AGTPBP1: variants seen among roughly 807,000 people sequenced by gnomAD.
AGTPBP1 encodes the protein cytosolic carboxypeptidase 1.
Under a neutral mutation model 143.9 loss-of-function variants are expected in AGTPBP1, and 70 were observed. That is an observed-to-expected ratio of 0.49 (90% CI 0.40 to 0.59). AGTPBP1 has a LOEUF of 0.59. Ranked by LOEUF, AGTPBP1 falls within the 20% of genes least tolerant of loss-of-function variation. The probability of loss-of-function intolerance (pLI) is 0.00; values close to 1 mark genes in which losing one functional copy is unlikely to be tolerated. For missense variants in AGTPBP1, 1,229 were observed against 1,464.5 expected, an observed-to-expected ratio of 0.84 and a Z score of 2.62; for synonymous variants, 463 against 500.2, an observed-to-expected ratio of 0.93 and a Z score of 0.99.
intron 1 of AGTPBP1, among the ~76,000 whole-genome samples, chr9:85,740,575 A>AAACATTTTTCCTTCAGGTGTTT (rs1824187836): frequency 6.6e-6 from 1 of 152,236 alleles, no homozygotes; most frequent in African/African-American, 2.4e-5. Flanking sequence ...ACTGAACTAA[A>AAACATTTTTCCTTCAGGTGTTT]AACATTCCAC....
the AGTPBP1 span, among the ~76,000 whole-genome samples, chr9:85,762,028 C>T: frequency 6.6e-6 from 1 of 152,218 alleles, no homozygotes. Flanking sequence ...AAATGCTCAT[C>T]ATCACTGGTC....
At chr9:85,649,565 T>C (rs924499347) in intron 11 of AGTPBP1, among the ~76,000 whole-genome samples, 2 of 152,196 alleles carry the variant, frequency 1.3e-5, no homozygotes, top group Non-Finnish European at 2.9e-5. Flanking sequence ...AAGACCTTTC[T>C]TTTCCCTATC....
At chr9:85,665,235 GAA>G (rs1433420547) in intron 8 of AGTPBP1, among the ~76,000 whole-genome samples, 1 of 152,148 alleles carries the variant, frequency 6.6e-6, no homozygotes, top group Non-Finnish European at 1.5e-5. Context: ...TAAGGAGAGA[GAA>G]GACAATGTGA....
chr9:85,754,471 C>T, the AGTPBP1 span, among the ~76,000 whole-genome samples: 14 of 152,080 alleles, frequency 9.2e-5, no homozygotes, highest in South Asian at 6.2e-4. Context: ...TGTGAGCCAC[C>T]GCGCCCAGCC....
At chr9:85,588,631 C>T (rs1272781872) in intron 20 of AGTPBP1, among the ~76,000 whole-genome samples, 153 bp from the exon 21 acceptor site, 1 of 151,992 alleles carries the variant, frequency 6.6e-6, no homozygotes, top group Non-Finnish European at 1.5e-5. Context: ...CTGCACTAGG[C>T]CCTATAAAAT....
the AGTPBP1 span, among the ~76,000 whole-genome samples, chr9:85,760,967 A>C: frequency 6.6e-6 from 1 of 152,156 alleles, no homozygotes; most frequent in Non-Finnish European, 1.5e-5. Context: ...ATTCTTATAC[A>C]CCAATAACAG....
rs142591566 is a variant in AGTPBP1 at position 85,646,200 on chromosome 9, G to A, written c.1185+121C>T. 214 of 660,516 alleles carry A rather than the reference G, an allele frequency of 3.2e-4. 1 individual carries two copies. Among genetic ancestry groups the A allele is most frequent in the African/African-American group, 2.2e-3 (120 of 55,172 alleles). The allele number at this position is 660,516 out of a possible 1,614,324, so 40.9% of individuals were successfully genotyped here. ...CCCCTTTAATTGCATAGTCATTCAT[G>A]GTAAAAAGATGTGGACAAAGTAAAA... On this transcript the variant is annotated intron_variant, in intron 12 of 25. Transcript: ENST00000357081.
chr9:85,587,575 C>G (rs947581315), intron 21 of AGTPBP1, among the ~76,000 whole-genome samples: 1 of 151,948 alleles, frequency 6.6e-6, no homozygotes, highest in African/African-American at 2.4e-5. Flanking sequence ...GTTCCATAAC[C>G]ATAACATATT....
intron 18 of AGTPBP1, among the ~76,000 whole-genome samples, chr9:85,593,907 G>A (rs1228645601): frequency 1.3e-5 from 2 of 151,952 alleles, no homozygotes; most frequent in Non-Finnish European, 2.9e-5. Context: ...GAATCACCTT[G>A]TATTATTTAA....
chr9:85,597,953 G>T (rs1437991920), intron 17 of AGTPBP1, among the ~76,000 whole-genome samples: 1 of 152,100 alleles, frequency 6.6e-6, no homozygotes, highest in African/African-American at 2.4e-5. Context: ...GTATTGGTAA[G>T]ATTATACTAG....
chr9:85,668,098 AAAAGAAAAACAG>A (rs1311865821), intron 8 of AGTPBP1, among the ~76,000 whole-genome samples: 3 of 152,124 alleles, frequency 2.0e-5, no homozygotes, highest in Non-Finnish European at 4.4e-5. Flanking sequence ...ACGCTAGGAA[AAAAGAAAAACAG>A]AAAGAAAAAT....
chr9:85,713,510 G>A (rs528584874), intron 1 of AGTPBP1, among the ~76,000 whole-genome samples: 2 of 152,090 alleles, frequency 1.3e-5, no homozygotes, highest in Non-Finnish European at 2.9e-5. Context: ...CAGCCTAGGC[G>A]ACAAGAGCGA....
intron 23 of AGTPBP1, among the ~76,000 whole-genome samples, chr9:85,579,581 T>C (rs1039276001): frequency 2.8e-5 from 4 of 143,876 alleles, no homozygotes; most frequent in Admixed American, 6.9e-5. Flanking sequence ...CCCTGAGAAA[T>C]TGTGTGTGTG....
intron 13 of AGTPBP1, among the ~76,000 whole-genome samples, chr9:85,639,367 G>GCGCACACACACACA (rs1554713133): frequency 1.4e-5 from 2 of 147,232 alleles, no homozygotes; most frequent in Admixed American, 6.8e-5. Context: ...GCGCGCACGC[G>GCGCACACACACACA]CACACACACA....
intron 13 of AGTPBP1, among the ~76,000 whole-genome samples, chr9:85,638,639 A>G (rs796981937): frequency 1.1e-4 from 17 of 152,094 alleles, no homozygotes; most frequent in African/African-American, 3.1e-4. Context: ...AAAAGTTAAT[A>G]TAAGTATATT....
At chr9:85,647,073 T>C (rs1032590819) in intron 11 of AGTPBP1, among the ~76,000 whole-genome samples, 13 of 151,926 alleles carry the variant, frequency 8.6e-5, no homozygotes, top group Non-Finnish European at 1.5e-5. Context: ...AGGTTGGGAG[T>C]TCGAGACTGG....
intron 15 of AGTPBP1, among the ~76,000 whole-genome samples, chr9:85,619,658 A>G (rs1205978650): frequency 1.3e-5 from 2 of 152,242 alleles, no homozygotes; most frequent in African/African-American, 2.4e-5. Flanking sequence ...AGTTCTCTGA[A>G]GAAAATATTA....
intron 17 of AGTPBP1, among the ~76,000 whole-genome samples, chr9:85,603,193 T>C (rs970808048): frequency 1.3e-5 from 2 of 151,998 alleles, no homozygotes; most frequent in African/African-American, 4.8e-5. Context: ...GCCAAGGGAG[T>C]ACTCACATCA....
the AGTPBP1 span, among the ~76,000 whole-genome samples, chr9:85,751,329 C>T: frequency 1.4e-4 from 22 of 152,234 alleles, no homozygotes; most frequent in East Asian, 3.5e-3. Flanking sequence ...TTTGTCACAG[C>T]CTAACACTTT....
Sources: gnomAD v4.1 joint callset for allele counts (sites outside exome capture counted in the v4.1 genomes callset) on GRCh38, gnomAD v4.1.1 for gene constraint, MANE v1.5 for transcripts, NCBI Gene and HGNC (gene_info 2026-07-23, HGNC 2026-07-21) for gene names.